Variants in SNTG1 observed in about 807,000 individuals in gnomAD.
SNTG1 encodes the protein syntrophin gamma 1.
SNTG1 carries 39 observed loss-of-function variants against 74.7 expected under a neutral mutation model. That is an observed-to-expected ratio of 0.52 (90% CI 0.40 to 0.68). SNTG1 has a LOEUF of 0.68. Among genes scored for constraint, SNTG1 ranks in the 30% least tolerant of loss-of-function variants. The pLI is 0.00. For synonymous variants in SNTG1, 254 were observed against 217.1 expected, an observed-to-expected ratio of 1.17 and a Z score of -1.49; for missense variants, 685 against 609.5, an observed-to-expected ratio of 1.12 and a Z score of -1.30.
At chr8:50,379,745 C>T (rs1348977084) in intron 2 of SNTG1, among the ~76,000 whole-genome samples, 5 of 152,386 alleles carry the variant, frequency 3.3e-5, no homozygotes, top group East Asian at 3.9e-4. Context: ...GACTCTTTCA[C>T]ACAGGTGAAA....
chr8:50,385,182 G>A (rs575616971), intron 2 of SNTG1, among the ~76,000 whole-genome samples: 1 of 152,282 alleles, frequency 6.6e-6, no homozygotes, highest in South Asian at 2.1e-4. Flanking sequence ...GGCTTGCACA[G>A]TAGCCTGGAC....
chr8:50,662,803 T>C (rs935726199), intron 15 of SNTG1, among the ~76,000 whole-genome samples: 2 of 152,226 alleles, frequency 1.3e-5, no homozygotes, highest in Non-Finnish European at 2.9e-5. Context: ...CAGTTCTTCA[T>C]CTGTGAAATG....
chr8:50,188,754 A>C (rs939845476), intron 2 of SNTG1, among the ~76,000 whole-genome samples: 3 of 152,086 alleles, frequency 2.0e-5, no homozygotes, highest in African/African-American at 4.8e-5. Context: ...ACTATCTATT[A>C]AGTCCCTGTA....
In SNTG1 at chr8:50,553,079, ATGGG is replaced by A; in HGVS notation, c.711_714del (p.Asp237GlufsTer22). ...AATGCCTTTCAAGTCATTGCTGTGG[ATGGG>A]GTCTGCACTGGGATTATTCAGTGCC... On this transcript the variant is annotated frameshift_variant, in exon 12 of 19. Transcript: ENST00000642720. LOFTEE classifies it high-confidence loss of function. 6.2e-7 allele frequency: 1 copy of A among 1,613,870 alleles called. No homozygotes were observed. The highest frequency in any genetic ancestry group is 8.5e-7 in the Non-Finnish European group (1 of 1,179,832).
In SNTG1 at chr8:50,449,622, A is replaced by T. The variant is rs762891860; in HGVS notation, c.220-46A>T. 22 of 1,464,426 alleles carry T rather than the reference A, an allele frequency of 1.5e-5. No individual in the cohort carries two copies. The South Asian group carries it at 2.9e-4, about 19-fold the overall frequency. The allele number at this position is 1,464,426 out of a possible 1,614,324, so 90.7% of individuals were successfully genotyped here. ...GTATGGTTTCTTAGCTAAAAGCAGC[A>T]TTTTTTTTAGATTAAAAAGTACAAT... is the stretch of plus-strand genomic sequence containing the variant. On this transcript the variant is annotated intron_variant, in intron 5 of 18. Transcript: ENST00000642720.
At chr8:50,542,894 G>A (rs934608535) in intron 11 of SNTG1, among the ~76,000 whole-genome samples, 23 of 152,098 alleles carry the variant, frequency 1.5e-4, no homozygotes, top group Admixed American at 7.2e-4. Flanking sequence ...GTCTTCTTTT[G>A]AGAAATGTCT....
At chr8:50,470,148 G>A (rs1192207373) in intron 8 of SNTG1, among the ~76,000 whole-genome samples, 2 of 152,128 alleles carry the variant, frequency 1.3e-5, no homozygotes, top group Admixed American at 1.3e-4. Flanking sequence ...AAAATGAATT[G>A]AAGGAATATA....
At chr8:50,285,777 A>T (rs2088740266) in intron 2 of SNTG1, among the ~76,000 whole-genome samples, 1 of 150,580 alleles carries the variant, frequency 6.6e-6, no homozygotes, top group Non-Finnish European at 1.5e-5. Context: ...ATTCTTTTTT[A>T]AAATGTATTA....
chr8:50,469,195 ATTG>A (rs1372907664), intron 8 of SNTG1, among the ~76,000 whole-genome samples: 3 of 152,060 alleles, frequency 2.0e-5, no homozygotes, highest in African/African-American at 7.2e-5. Flanking sequence ...ATTTTCTACT[ATTG>A]TTTGCCGGAT....
intron 2 of SNTG1, among the ~76,000 whole-genome samples, chr8:50,244,443 T>C (rs893938385): frequency 6.6e-6 from 1 of 152,172 alleles, no homozygotes; most frequent in Non-Finnish European, 1.5e-5. Flanking sequence ...GATCCTCTTG[T>C]TATTCATATT....
intron 11 of SNTG1, among the ~76,000 whole-genome samples, chr8:50,549,924 T>C (rs2094414171): frequency 6.6e-6 from 1 of 152,168 alleles, no homozygotes; most frequent in Non-Finnish European, 1.5e-5. Context: ...CTAATGACTT[T>C]AAGGGGGAAA....
At position 50,456,173 on chromosome 8, in the gene SNTG1, C is replaced by G. The variant is rs147345771; in HGVS notation, c.363+5444C>G. On this transcript the variant is annotated intron_variant, in intron 8 of 18. Transcript: ENST00000642720. ...CCCACATGTCCGTCCCCTGTATAAGCTATACATCCAGACAGCACAGGTGAC... is the reference window on the plus strand; with the variant it reads ...CCCACATGTCCGTCCCCTGTATAAGGTATACATCCAGACAGCACAGGTGAC... Among the ~76,000 whole-genome samples the G allele has an allele frequency of 2.6e-5, 4 of 152,286 alleles. No homozygotes were observed. In the East Asian group the frequency reaches 5.8e-4, roughly 22 times the overall value.
chr8:50,556,049 T>C lies in SNTG1; in HGVS notation c.810+2870T>C, dbSNP rs571524850. On this transcript the variant is annotated intron_variant, in intron 12 of 18. Transcript: ENST00000642720. ...AGTTTTTAAAAATTCTATATAATTA[T>C]AGTTGCTATAATTTTTCTTCCAGAA... 3.3e-5 allele frequency among the ~76,000 whole-genome samples: 5 copies of C among 152,302 alleles called. No individual in the cohort carries two copies. The East Asian group carries it at 9.6e-4, about 29-fold the overall frequency.
intron 1 of SNTG1, among the ~76,000 whole-genome samples, chr8:49,997,309 T>C (rs1179073031): frequency 6.6e-6 from 1 of 152,188 alleles, no homozygotes; most frequent in East Asian, 1.9e-4. Flanking sequence ...TCTTTCCTTT[T>C]TCTATTATAT....
chr8:50,233,930 G>T (rs779809886), intron 2 of SNTG1, among the ~76,000 whole-genome samples: 1 of 151,690 alleles, frequency 6.6e-6, no homozygotes, highest in African/African-American at 2.4e-5. Context: ...AAAACGGATC[G>T]CTCATATATT....
At chr8:50,521,315 G>T (rs187878427) in intron 9 of SNTG1, among the ~76,000 whole-genome samples, 109 of 152,292 alleles carry the variant, frequency 7.2e-4, no homozygotes, top group African/African-American at 2.5e-3. Context: ...AATGCCTAAT[G>T]TAGGTGATGG....
intron 1 of SNTG1, among the ~76,000 whole-genome samples, chr8:50,027,084 G>A (rs963191902): frequency 1.3e-5 from 2 of 152,108 alleles, no homozygotes; most frequent in African/African-American, 4.8e-5. Context: ...CACCATTAGG[G>A]ATTGACCATT....
At chr8:50,734,433 A>T (rs773479081) in intron 17 of SNTG1, among the ~76,000 whole-genome samples, 1 of 151,510 alleles carries the variant, frequency 6.6e-6, no homozygotes, top group African/African-American at 2.4e-5. Context: ...ATTCTATATT[A>T]ATTTATTCTG....
intron 11 of SNTG1, among the ~76,000 whole-genome samples, chr8:50,543,202 T>C (rs939131128): frequency 6.6e-6 from 1 of 152,196 alleles, no homozygotes; most frequent in African/African-American, 2.4e-5. Flanking sequence ...AGCAGTTTCA[T>C]AGTTTCAGGC....
Sources: allele counts gnomAD v4.1 joint callset (sites outside exome capture counted in the v4.1 genomes callset), GRCh38; gene constraint gnomAD v4.1.1; transcripts MANE v1.5; gene names NCBI Gene and HGNC (gene_info 2026-07-23, HGNC 2026-07-21).